The following PKHD1 variants were observed in gnomAD, a reference collection of about 807,000 sequenced individuals.
PKHD1 encodes the protein fibrocystin.
A neutral mutation model predicts 412.0 loss-of-function variants in PKHD1; 291 were observed. The ratio of observed to expected loss-of-function variants is 0.71; its 90% confidence interval spans 0.64 to 0.78. The LOEUF (loss-of-function observed/expected upper bound fraction) is 0.78. Among genes scored for constraint, PKHD1 ranks in the 30% least tolerant of loss-of-function variants. The probability of loss-of-function intolerance (pLI) is 0.00; values close to 1 mark genes in which losing one functional copy is unlikely to be tolerated. For missense variants in PKHD1, 4,825 were observed against 4,950.7 expected (o/e 0.97, Z 0.76); for synonymous variants, 1,777 against 1,821.5 (o/e 0.98, Z 0.62).
At chr6:51,688,111 T>C (rs1195415643) in intron 60 of PKHD1, among the ~76,000 whole-genome samples, 3 of 152,248 alleles carry the variant, frequency 2.0e-5, no homozygotes, top group Non-Finnish European at 4.4e-5. Flanking sequence ...TTTGACACCA[T>C]GAATTTATCT....
intron 52 of PKHD1, among the ~76,000 whole-genome samples, chr6:51,824,447 A>G (rs1467345716): frequency 2.0e-5 from 3 of 152,136 alleles, no homozygotes; most frequent in Non-Finnish European, 4.4e-5. Context: ...TCTTCCTTCC[A>G]GTGGTGAGGA....
At chr6:51,909,851 T>G (rs547467112) in intron 39 of PKHD1, among the ~76,000 whole-genome samples, 1 of 152,274 alleles carries the variant, frequency 6.6e-6, no homozygotes, top group Non-Finnish European at 1.5e-5. Context: ...AGGAAAGACA[T>G]GTTAGCACTG....
intron 64 of PKHD1, 28 bp downstream of exon 64, chr6:51,638,821 A>C: frequency 2.3e-6 from 3 of 1,287,638 alleles, no homozygotes; most frequent in South Asian, 1.3e-5. Flanking sequence ...AAAAAAACAC[A>C]GAATAAAAGC....
intron 7 of PKHD1, 144 bp downstream of exon 7, chr6:52,073,319 C>A: frequency 1.3e-6 from 1 of 749,434 alleles, no homozygotes; most frequent in Non-Finnish European, 2.5e-6. Flanking sequence ...TGAAGCCCAG[C>A]TCATGAGGGA....
At chr6:51,987,675 A>T (rs1796374363) in intron 35 of PKHD1, among the ~76,000 whole-genome samples, 1 of 152,144 alleles carries the variant, frequency 6.6e-6, no homozygotes, top group African/African-American at 2.4e-5. Context: ...TCTCCAGTCA[A>T]AAGGTGAGCC....
intron 60 of PKHD1, among the ~76,000 whole-genome samples, chr6:51,661,252 T>G (rs1264939329): frequency 6.6e-6 from 1 of 151,834 alleles, no homozygotes; most frequent in Non-Finnish European, 1.5e-5. Context: ...AGATATAGAT[T>G]AGATATAGAT....
At chr6:51,770,248 T>A (rs1185815343) in intron 55 of PKHD1, among the ~76,000 whole-genome samples, 1 of 151,888 alleles carries the variant, frequency 6.6e-6, no homozygotes, top group Non-Finnish European at 1.5e-5. Flanking sequence ...TATTGTATTA[T>A]CTGCTGTAAA....
chr6:51,800,950 G>T (rs533702723), intron 52 of PKHD1, among the ~76,000 whole-genome samples: 17 of 152,020 alleles, frequency 1.1e-4, no homozygotes, highest in Admixed American at 2.6e-4. Flanking sequence ...TAATTAATGG[G>T]TTTTTTTTCT....
intron 60 of PKHD1, among the ~76,000 whole-genome samples, chr6:51,713,411 T>C (rs1780874722): frequency 1.3e-5 from 2 of 152,212 alleles, no homozygotes; most frequent in Admixed American, 1.3e-4. Context: ...TGGCTTTGGA[T>C]CATTTTCCTT....
chr6:51,802,890 C>T (rs1483020503), intron 52 of PKHD1, among the ~76,000 whole-genome samples: 1 of 150,802 alleles, frequency 6.6e-6, no homozygotes, highest in Non-Finnish European at 1.5e-5. Context: ...CTTAAGTTCT[C>T]AATTGTTTCT....
chr6:51,760,846 G>A (rs1787878952), intron 55 of PKHD1, among the ~76,000 whole-genome samples: 1 of 152,056 alleles, frequency 6.6e-6, no homozygotes, highest in African/African-American at 2.4e-5. Flanking sequence ...TCAGTTCACA[G>A]TTTCTTCCTT....
chr6:51,737,404 A>G (rs984760620), intron 60 of PKHD1, among the ~76,000 whole-genome samples: 1 of 152,360 alleles, frequency 6.6e-6, no homozygotes, highest in East Asian at 1.9e-4. Flanking sequence ...AGGAAAAATG[A>G]TCCATTTAAA....
At chr6:51,663,915 A>T (rs1244224130) in intron 60 of PKHD1, among the ~76,000 whole-genome samples, 1 of 152,136 alleles carries the variant, frequency 6.6e-6, no homozygotes, top group Non-Finnish European at 1.5e-5. Context: ...TGATTTGTCC[A>T]CAACAGGTTC....
chr6:51,700,890 G>A (rs1779335137), intron 60 of PKHD1, among the ~76,000 whole-genome samples: 1 of 152,080 alleles, frequency 6.6e-6, no homozygotes, highest in Non-Finnish European at 1.5e-5. Context: ...AACATAATCA[G>A]TCCACCCTAA....
At chr6:51,742,611 C>T (rs1302797501) in intron 60 of PKHD1, among the ~76,000 whole-genome samples, 1 of 152,110 alleles carries the variant, frequency 6.6e-6, no homozygotes, top group African/African-American at 2.4e-5. Context: ...TAACAGCAAA[C>T]TCTTCTGGCT....
intron 49 of PKHD1, among the ~76,000 whole-genome samples, chr6:51,853,117 CTCAGGATTT>C (rs1772614834): frequency 6.6e-6 from 1 of 152,146 alleles, no homozygotes; most frequent in Non-Finnish European, 1.5e-5. Flanking sequence ...AACGAAATCC[CTCAGGATTT>C]GCTTATCTGG....
chr6:51,786,000 C>T (rs1792793769), intron 53 of PKHD1, among the ~76,000 whole-genome samples: 3 of 152,080 alleles, frequency 2.0e-5, no homozygotes, highest in Admixed American at 2.0e-4. Context: ...ACTGTATACT[C>T]AACATTGTTC....
chr6:51,982,593 A>G (rs1436920520), intron 35 of PKHD1, among the ~76,000 whole-genome samples: 1 of 147,042 alleles, frequency 6.8e-6, no homozygotes, highest in African/African-American at 2.5e-5. Context: ...TGCTTTGTTA[A>G]ACAGATGCTT....
intron 37 of PKHD1, among the ~76,000 whole-genome samples, chr6:51,920,191 C>A (rs867209754): frequency 7.2e-5 from 11 of 152,356 alleles, no homozygotes; most frequent in South Asian, 2.1e-4. Flanking sequence ...GAGAGGGCAT[C>A]CCTGTCTTGT....
Sources: gnomAD v4.1 joint callset for allele counts (sites outside exome capture counted in the v4.1 genomes callset) on GRCh38, gnomAD v4.1.1 for gene constraint, MANE v1.5 for transcripts, NCBI Gene and HGNC (gene_info 2026-07-23, HGNC 2026-07-21) for gene names.